Variants in ADAM2 observed in about 807,000 individuals in gnomAD.
ADAM2 encodes disintegrin and metalloproteinase domain-containing protein 2.
Under a neutral mutation model 99.3 loss-of-function variants are expected in ADAM2, and 101 were observed. The observed-to-expected ratio is 1.02, with a 90% CI of 0.87 to 1.20. The LOEUF (loss-of-function observed/expected upper bound fraction) is 1.20, where lower values mean the gene tolerates loss of function less well. Ranked by LOEUF, ADAM2 falls within the 50% of genes most tolerant of loss-of-function variation. The pLI is 0.00. For synonymous variants in ADAM2, 323 were observed against 287.6 expected (o/e 1.12, Z -1.25); for missense variants, 948 against 878.7 (o/e 1.08, Z -1.00).
intron 7 of ADAM2, among the ~76,000 whole-genome samples, chr8:39,799,284 T>A: frequency 6.6e-6 from 1 of 152,196 alleles, no homozygotes; most frequent in East Asian, 1.9e-4. Flanking sequence ...TCTGCCTTAA[T>A]TTCATTATTT....
intron 9 of ADAM2, among the ~76,000 whole-genome samples, chr8:39,787,547 T>C (rs1803517282): frequency 8.0e-6 from 1 of 124,390 alleles, no homozygotes; most frequent in African/African-American, 3.3e-5. Context: ...TCTCTCTATA[T>C]ATATATATAC....
chr8:39,802,179 C>T (rs1176791392), intron 7 of ADAM2, among the ~76,000 whole-genome samples: 1 of 151,274 alleles, frequency 6.6e-6, no homozygotes, highest in Non-Finnish European at 1.5e-5. Context: ...GCAGTTTCCC[C>T]AGCTGGGTTG....
chr8:39,835,413 G>T (rs995458854), intron 2 of ADAM2, among the ~76,000 whole-genome samples: 2 of 90,582 alleles, frequency 2.2e-5, no homozygotes, highest in South Asian at 5.6e-4. Context: ...GGCCATGTGC[G>T]GTGGCTCACG....
At chr8:39,778,516 A>C (rs1331605688) in intron 10 of ADAM2, among the ~76,000 whole-genome samples, 1 of 152,092 alleles carries the variant, frequency 6.6e-6, no homozygotes, top group African/African-American at 2.4e-5. Context: ...CCCTCCATCA[A>C]CACTTGGTAC....
chr8:39,803,481 C>A (rs1312661941), intron 7 of ADAM2, among the ~76,000 whole-genome samples: 2 of 152,178 alleles, frequency 1.3e-5, no homozygotes, highest in Non-Finnish European at 1.5e-5. Context: ...CCCGTACAAG[C>A]AGAGTGATCT....
At chr8:39,823,544 C>G (rs1327915933) in intron 4 of ADAM2, among the ~76,000 whole-genome samples, 1 of 150,100 alleles carries the variant, frequency 6.7e-6, no homozygotes, top group Admixed American at 6.6e-5. Flanking sequence ...TTTTTTTTAA[C>G]TGTACATTTA....
intron 10 of ADAM2, among the ~76,000 whole-genome samples, chr8:39,780,129 C>T (rs1245974276): frequency 6.6e-6 from 1 of 152,092 alleles, no homozygotes; most frequent in African/African-American, 2.4e-5. Context: ...AGAGCAAAGG[C>T]ACATCTTACA....
rs572319861 is a variant in ADAM2, at chr8:39,824,917, T to C, written c.189-20A>G. On this transcript the variant is annotated intron_variant, in intron 3 of 20. Coordinates refer to ENST00000265708, the MANE Select transcript of ADAM2 (RefSeq NM_001464.5). ...AAGTTTCTGTAACATAAAGATAAAATGGAAAAATTTGATTCTTAACCTTTT... is the reference window on the plus strand; with the variant it reads ...AAGTTTCTGTAACATAAAGATAAAACGGAAAAATTTGATTCTTAACCTTTT... 4 of 1,077,676 alleles carry C rather than the reference T, an allele frequency of 3.7e-6. No individual in the cohort carries two copies. In the South Asian group the frequency reaches 4.0e-5, roughly 11 times the overall value. The allele number at this position is 1,077,676 out of a possible 1,614,324, so 66.8% of individuals were successfully genotyped here.
intron 10 of ADAM2, among the ~76,000 whole-genome samples, chr8:39,778,057 A>G (rs1164791052): frequency 2.0e-5 from 3 of 148,228 alleles, no homozygotes; most frequent in African/African-American, 7.3e-5. Flanking sequence ...ATTATATATT[A>G]AATTATAAAC....
At chr8:39,785,975 T>G (rs938139359) in intron 10 of ADAM2, among the ~76,000 whole-genome samples, 6 of 152,146 alleles carry the variant, frequency 3.9e-5, no homozygotes, top group Non-Finnish European at 7.3e-5. Context: ...TGGAATACTA[T>G]GCAGCCATAA....
intron 7 of ADAM2, among the ~76,000 whole-genome samples, chr8:39,791,300 A>G (rs909469475): frequency 3.3e-5 from 5 of 152,012 alleles, no homozygotes; most frequent in Non-Finnish European, 7.4e-5. Context: ...CCATATAAAG[A>G]ATGTAGCCTG....
intron 7 of ADAM2, among the ~76,000 whole-genome samples, chr8:39,804,950 G>T (rs1194051973): frequency 6.6e-6 from 1 of 152,112 alleles, no homozygotes; most frequent in Non-Finnish European, 1.5e-5. Flanking sequence ...CATTCAGGCT[G>T]CTATAACAAA....
At chr8:39,788,938 T>C (rs906096728) in intron 7 of ADAM2, among the ~76,000 whole-genome samples, 198 bp from the exon 8 acceptor site, 1 of 151,558 alleles carries the variant, frequency 6.6e-6, no homozygotes, top group African/African-American at 2.4e-5. Context: ...GAATTGGAAT[T>C]TATATTTTTT....
chr8:39,785,567 G>C (rs370902033), intron 10 of ADAM2, among the ~76,000 whole-genome samples: 7 of 152,228 alleles, frequency 4.6e-5, no homozygotes, highest in African/African-American at 1.4e-4. Context: ...AGACCAAGGC[G>C]GGGGGATCAC....
chr8:39,820,120 G>A (rs1026493729), intron 6 of ADAM2, among the ~76,000 whole-genome samples: 2 of 152,126 alleles, frequency 1.3e-5, no homozygotes, highest in Non-Finnish European at 2.9e-5. Flanking sequence ...TGGTGACCAT[G>A]TATATGATAC....
intron 15 of ADAM2, among the ~76,000 whole-genome samples, chr8:39,760,595 C>T (rs943380242): frequency 3.9e-5 from 6 of 152,028 alleles, no homozygotes; most frequent in Non-Finnish European, 7.4e-5. Flanking sequence ...GTGGCAGGCG[C>T]CTGCAGTCGC....
At chr8:39,784,874 C>G (rs1177618344) in intron 10 of ADAM2, among the ~76,000 whole-genome samples, 1 of 152,100 alleles carries the variant, frequency 6.6e-6, no homozygotes, top group Admixed American at 6.6e-5. Context: ...CTGTTCATGT[C>G]TTTTGCCCAT....
At chr8:39,787,665 C>T (rs1255855989) in intron 9 of ADAM2, among the ~76,000 whole-genome samples, 3 of 151,290 alleles carry the variant, frequency 2.0e-5, no homozygotes, top group Non-Finnish European at 3.0e-5. Flanking sequence ...ACCTTAAGCA[C>T]AATGCAGATA....
In ADAM2 at chr8:39,788,162, A is replaced by G. The variant is rs756971033; in HGVS notation, c.732T>C (p.Asn244=). 1 of 1,591,110 alleles carries G rather than the reference A, an allele frequency of 6.3e-7. No homozygotes were observed. Among genetic ancestry groups the G allele is most frequent in the Admixed American group, 1.7e-5 (1 of 57,602 alleles). Residue 244 remains asparagine (N), a synonymous_variant, in exon 9 of 21, where the codon AAT becomes AAC. Transcript: ENST00000265708. ...ENKIATTGEA[N]ELLHTFLRWK... is the part of the protein sequence containing the mutation. ...ATCTTAAAAATGTGTGTAATAACTCATTAGCTTCTCCAGTGGTTGCAATTT... is the reference window on the plus strand; with the variant it reads ...ATCTTAAAAATGTGTGTAATAACTCGTTAGCTTCTCCAGTGGTTGCAATTT...
Sources: gnomAD v4.1 joint callset for allele counts (sites outside exome capture counted in the v4.1 genomes callset) on GRCh38, gnomAD v4.1.1 for gene constraint, MANE v1.5 for transcripts, NCBI Gene and HGNC (gene_info 2026-07-23, HGNC 2026-07-21) for gene names.